The following ARHGAP12 variants were observed in gnomAD, a reference collection of about 807,000 sequenced individuals.
The protein encoded by ARHGAP12 is rho GTPase-activating protein 12.
Under a neutral mutation model 108.6 loss-of-function variants are expected in ARHGAP12, and 64 were observed. The ratio of observed to expected loss-of-function variants is 0.59; its 90% CI spans 0.48 to 0.73. ARHGAP12 has a LOEUF of 0.73. ARHGAP12 is among the 30% of genes least tolerant of loss of function. The pLI is 0.00. For synonymous variants in ARHGAP12, 312 were observed against 337.2 expected, an observed-to-expected ratio of 0.93 and a Z score of 0.82; for missense variants, 940 against 1,005.9, an observed-to-expected ratio of 0.93 and a Z score of 0.89.
chr10:31,863,768 T>TAC (rs1837220084), intron 3 of ARHGAP12, among the ~76,000 whole-genome samples: 1 of 152,162 alleles, frequency 6.6e-6, no homozygotes, highest in Non-Finnish European at 1.5e-5. Flanking sequence ...TTTAGATTCA[T>TAC]AGATAAACAC....
At chr10:31,906,609 G>T (rs1280263590) in intron 3 of ARHGAP12, among the ~76,000 whole-genome samples, 1 of 152,278 alleles carries the variant, frequency 6.6e-6, no homozygotes, top group East Asian at 1.9e-4. Flanking sequence ...ACAGAGAACT[G>T]AGTAAAATGA....
At chr10:31,924,242 G>A (rs765551059) in intron 1 of ARHGAP12, among the ~76,000 whole-genome samples, 2 of 152,128 alleles carry the variant, frequency 1.3e-5, no homozygotes, top group Non-Finnish European at 2.9e-5. Flanking sequence ...TCCACACAAA[G>A]GCCTTACATG....
chr10:31,854,985 A>AAGGAGGAGGAGG (rs542231961), intron 4 of ARHGAP12, among the ~76,000 whole-genome samples: 1 of 134,448 alleles, frequency 7.4e-6, no homozygotes, highest in Non-Finnish European at 1.6e-5. Context: ...AAAGAAGAAC[A>AAGGAGGAGGAGG]AGGAGGAGGA....
At chr10:31,892,872 T>A (rs773347716) in intron 3 of ARHGAP12, among the ~76,000 whole-genome samples, 5 of 152,106 alleles carry the variant, frequency 3.3e-5, no homozygotes, top group Non-Finnish European at 5.9e-5. Flanking sequence ...TCAGCAAATG[T>A]AAAATAACAG....
At chr10:31,896,325 C>G (rs1471732834) in intron 3 of ARHGAP12, among the ~76,000 whole-genome samples, 1 of 144,806 alleles carries the variant, frequency 6.9e-6, no homozygotes, top group African/African-American at 2.6e-5. Context: ...AAAAAAAAAG[C>G]TAGTATGTAA....
chr10:31,879,136 T>C (rs909741490), intron 3 of ARHGAP12, among the ~76,000 whole-genome samples: 1 of 152,196 alleles, frequency 6.6e-6, no homozygotes, highest in Non-Finnish European at 1.5e-5. Context: ...TAAGGCCAAG[T>C]GCAGTGGCTC....
At chr10:31,911,751 A>G (rs1036858136) in intron 1 of ARHGAP12, among the ~76,000 whole-genome samples, 3 of 152,186 alleles carry the variant, frequency 2.0e-5, no homozygotes, top group Non-Finnish European at 4.4e-5. Context: ...AACATACACA[A>G]TGTCACCTAC....
chr10:31,911,439 C>T (rs1485695222), intron 1 of ARHGAP12, among the ~76,000 whole-genome samples: 2 of 152,124 alleles, frequency 1.3e-5, no homozygotes, highest in East Asian at 1.9e-4. Flanking sequence ...TTCAGCCTCC[C>T]GAGTAGCGGG....
At chr10:31,841,956 T>C (rs1452599012) in intron 7 of ARHGAP12, among the ~76,000 whole-genome samples, 2 of 152,100 alleles carry the variant, frequency 1.3e-5, no homozygotes, top group Non-Finnish European at 2.9e-5. Context: ...AAAAAAGACA[T>C]TTCTACCAAA....
intron 10 of ARHGAP12, among the ~76,000 whole-genome samples, chr10:31,829,130 C>T (rs1033602750): frequency 1.3e-5 from 2 of 151,674 alleles, no homozygotes; most frequent in Non-Finnish European, 2.9e-5. Flanking sequence ...CCAGCCTGGG[C>T]GAGAGAGCAA....
At chr10:31,818,739 C>A (rs552690698) in intron 12 of ARHGAP12, among the ~76,000 whole-genome samples, 49 of 152,170 alleles carry the variant, frequency 3.2e-4, no homozygotes, top group African/African-American at 1.1e-3. Context: ...TTGGAAAATA[C>A]TGGATTGAAG....
At position 31,901,449 on chromosome 10, in the gene ARHGAP12, G is replaced by A. The variant is rs998965129; in HGVS notation, c.684+6723C>T. Among the ~76,000 whole-genome samples, 10 of 147,802 alleles carry A rather than the reference G, an allele frequency of 6.8e-5. No homozygotes were observed. In the East Asian group the frequency reaches 1.8e-3, roughly 26 times the overall value. ...CGGGAAGCTGAGACAGGAGGATCAC[G>A]TGAGCCTGGAAAGTGGAAGGTTGCA... On this transcript the variant is annotated intron_variant, in intron 3 of 19. Transcript: ENST00000344936.
Position 31,807,934 on chromosome 10 carries a change from T to C in ARHGAP12, c.2367-102A>G. The C allele has an allele frequency of 3.4e-6, 3 of 869,830 alleles. No individual in the cohort carries two copies. The South Asian group carries it at 9.2e-5, about 27-fold the overall frequency. 53.9% of individuals were successfully genotyped at this position (869,830 alleles called of 1,614,324 possible). A position where few individuals can be genotyped will look rare whatever the true frequency, so the allele number is the denominator to read the frequency against. On this transcript the variant is annotated intron_variant, in intron 19 of 19. Transcript: ENST00000344936. The stretch of plus-strand genomic sequence containing the variant: ...ACAGTTTGCATTTTAAAAAGAGAAG[T>C]AATACTTATTTTCCTAAGGTGATGC...
chr10:31,843,422 A>G, intron 7 of ARHGAP12, 39 bp downstream of exon 7: 1 of 1,588,406 alleles, frequency 6.3e-7, no homozygotes. Context: ...ACTGTACAAT[A>G]TAATGCAAAG....
At chr10:31,852,787 G>A (rs553543403) in intron 5 of ARHGAP12, among the ~76,000 whole-genome samples, 190 bp from the exon 6 acceptor site, 2 of 130,404 alleles carry the variant, frequency 1.5e-5, no homozygotes, top group South Asian at 4.7e-4. Flanking sequence ...GCACCATCTC[G>A]GCTCACCACA....
At position 31,831,720 on chromosome 10, in the gene ARHGAP12, T is replaced by C; in HGVS notation, c.1448+19A>G. 2.0e-6 allele frequency: 3 copies of C among 1,507,872 alleles called. No individual in the cohort carries two copies. The highest frequency in any genetic ancestry group is 2.3e-5 in the East Asian group (1 of 43,414). The allele number at this position is 1,507,872 out of a possible 1,614,324, so 93.4% of individuals were successfully genotyped here. On this transcript the variant is annotated intron_variant, in intron 10 of 19. Coordinates refer to ENST00000344936, the MANE Select transcript of ARHGAP12 (RefSeq NM_018287.7). ...TTTCAGATGAATCATGTAAGAACAT[T>C]AAAGACTTGTGTACTTACCGAACCT... is the stretch of plus-strand genomic sequence containing the variant.
At chr10:31,892,951 G>C (rs531428102) in intron 3 of ARHGAP12, among the ~76,000 whole-genome samples, 3,608 of 152,028 alleles carry the variant, frequency 0.024, 154 homozygotes, top group African/African-American at 0.081. Flanking sequence ...GAAACTCACT[G>C]AAAACCGCTC....
In ARHGAP12 at chr10:31,883,964, G is replaced by A. The variant is rs373537619; in HGVS notation, c.685-22306C>T. ...TCCTGAGCTCAAGTAATCCACCCACGTCAGCTTCCCAAAGTGCTGGGGCTA... is the reference window on the plus strand; with the variant it reads ...TCCTGAGCTCAAGTAATCCACCCACATCAGCTTCCCAAAGTGCTGGGGCTA... On this transcript the variant is annotated intron_variant, in intron 3 of 19. Coordinates refer to ENST00000344936, the MANE Select transcript of ARHGAP12 (RefSeq NM_018287.7). Among the ~76,000 whole-genome samples, 186 of 151,596 alleles carry A rather than the reference G, an allele frequency of 1.2e-3. 1 individual carries two copies. Among genetic ancestry groups the A allele is most frequent in the African/African-American group, 4.3e-3 (178 of 41,376 alleles).
At chr10:31,842,428 A>G (rs1836304117) in intron 7 of ARHGAP12, among the ~76,000 whole-genome samples, 1 of 152,064 alleles carries the variant, frequency 6.6e-6, no homozygotes, top group South Asian at 2.1e-4. Context: ...TGTGGTCTCT[A>G]TATTCAACAC....
Sources: allele counts gnomAD v4.1 joint callset (sites outside exome capture counted in the v4.1 genomes callset), GRCh38; gene constraint gnomAD v4.1.1; transcripts MANE v1.5; gene names NCBI Gene and HGNC (gene_info 2026-07-23, HGNC 2026-07-21).